The following AFAP1 variants were observed in gnomAD, a reference collection of about 807,000 sequenced individuals.
The protein encoded by AFAP1 is actin filament associated protein 1.
AFAP1 carries 75 observed loss-of-function variants against 93.9 expected under a neutral mutation model. The observed-to-expected ratio is 0.80, with a 90% confidence interval of 0.66 to 0.97. The LOEUF (loss-of-function observed/expected upper bound fraction) is 0.97. AFAP1 is among the 50% of genes least tolerant of loss of function. The pLI, the probability that AFAP1 is intolerant of heterozygous loss-of-function variation, is 0.00. For synonymous variants in AFAP1, 517 were observed against 430.7 expected (o/e 1.20, Z -2.48); for missense variants, 1,201 against 1,050.8 (o/e 1.14, Z -1.98).
intron 1 of AFAP1, among the ~76,000 whole-genome samples, chr4:7,928,149 C>G (rs139136666): frequency 6.6e-6 from 1 of 152,270 alleles, no homozygotes; most frequent in South Asian, 2.1e-4. Context: ...ATTCTTCAAC[C>G]GGTGCCTTTG....
chr4:7,887,660 C>A (rs1204780582), intron 1 of AFAP1, among the ~76,000 whole-genome samples: 3 of 152,178 alleles, frequency 2.0e-5, no homozygotes, highest in Non-Finnish European at 2.9e-5. Flanking sequence ...GCCAGCACTG[C>A]AAACTTAAAC....
Position 7,899,532 on chromosome 4 carries a change from A to C in AFAP1, c.-2-27452T>G, listed in dbSNP as rs146764464. Among the ~76,000 whole-genome samples the C allele has an allele frequency of 2.8e-3, 422 of 152,360 alleles. 1 individual carries two copies. The highest frequency in any genetic ancestry group is 9.5e-3 in the African/African-American group (394 of 41,588). ...AAACTTCTTTACCCTACTAAAGCAC[A>C]TTATAAGAAGCTCCGCTTATATAAA... On this transcript the variant is annotated intron_variant, in intron 1 of 17. Coordinates refer to ENST00000420658, the MANE Select transcript of AFAP1 (RefSeq NM_001134647.2).
chr4:7,879,466 A>G (rs940076273), intron 1 of AFAP1, among the ~76,000 whole-genome samples: 2 of 152,072 alleles, frequency 1.3e-5, no homozygotes, highest in African/African-American at 4.8e-5. Flanking sequence ...CGAGGTCACC[A>G]AACACAGACT....
intron 14 of AFAP1, chr4:7,775,514 T>A (rs991028750): frequency 6.6e-6 from 1 of 152,478 alleles, no homozygotes; most frequent in African/African-American, 2.4e-5. Context: ...CACCGCAGTA[T>A]CTGTTCCTTA....
At chr4:7,806,040 A>C (rs1719483135) in intron 9 of AFAP1, among the ~76,000 whole-genome samples, 1 of 152,182 alleles carries the variant, frequency 6.6e-6, no homozygotes, top group African/African-American at 2.4e-5. Flanking sequence ...CCTGGTAACA[A>C]CGGCTTAATT....
chr4:7,889,596 T>C (rs1288973555), intron 1 of AFAP1, among the ~76,000 whole-genome samples: 20 of 150,032 alleles, frequency 1.3e-4, no homozygotes, highest in African/African-American at 4.9e-4. Flanking sequence ...ACTAAAGTTT[T>C]TCATATTCTT....
chr4:7,852,827 C>T (rs1282457772), intron 4 of AFAP1, among the ~76,000 whole-genome samples: 1 of 152,078 alleles, frequency 6.6e-6, no homozygotes, highest in African/African-American at 2.4e-5. Flanking sequence ...TCTCCCAGGC[C>T]CCCACCATCT....
chr4:7,847,814 T>C (rs1192369211), intron 4 of AFAP1, among the ~76,000 whole-genome samples: 1 of 148,094 alleles, frequency 6.8e-6, no homozygotes, highest in African/African-American at 2.6e-5. Flanking sequence ...ATTGATTAGA[T>C]ACCATCAGGC....
intron 1 of AFAP1, among the ~76,000 whole-genome samples, chr4:7,874,356 CTTTTT>C (rs869214535): frequency 3.2e-4 from 30 of 92,418 alleles, no homozygotes; most frequent in Middle Eastern, 6.4e-3. Flanking sequence ...TTGCCTTTTT[CTTTTT>C]TTTTTTTTTT....
At chr4:7,870,334 C>T (rs1401162073) in intron 2 of AFAP1, among the ~76,000 whole-genome samples, 1 of 152,188 alleles carries the variant, frequency 6.6e-6, no homozygotes, top group African/African-American at 2.4e-5. Flanking sequence ...ATCCAAGAGT[C>T]TGAGCAGGGA....
rs1577354062 is a variant in AFAP1, at chr4:7,912,450, C to A, written c.-3+27206G>T. Among the ~76,000 whole-genome samples the A allele has an allele frequency of 2.6e-5, 4 of 152,328 alleles. No individual in the cohort carries two copies. The East Asian group carries it at 5.8e-4, about 22-fold the overall frequency. On this transcript the variant is annotated intron_variant, in intron 1 of 17. Transcript: ENST00000420658. ...TGTGAGTGATTCCGTTTCCCTGCAT[C>A]CTCACCAGCATTTGGTTTTGTTATT...
At chr4:7,779,471 C>G (rs1465668108) in intron 13 of AFAP1, among the ~76,000 whole-genome samples, 1 of 152,212 alleles carries the variant, frequency 6.6e-6, no homozygotes, top group Non-Finnish European at 1.5e-5. Flanking sequence ...TAGTACTCTA[C>G]TCCTGAGACT....
intron 1 of AFAP1, among the ~76,000 whole-genome samples, chr4:7,912,422 A>T (rs1719788006): frequency 6.6e-6 from 1 of 152,210 alleles, no homozygotes; most frequent in Admixed American, 6.5e-5. Context: ...CCTGCCAGCC[A>T]AGTGTGAGTG....
At chr4:7,917,135 G>A (rs1319029738) in intron 1 of AFAP1, among the ~76,000 whole-genome samples, 2 of 152,120 alleles carry the variant, frequency 1.3e-5, no homozygotes, top group African/African-American at 4.8e-5. Context: ...AAAGCCTTAA[G>A]ACTCATTTCA....
intron 17 of AFAP1, among the ~76,000 whole-genome samples, chr4:7,768,375 C>T (rs1188799613): frequency 6.6e-6 from 1 of 152,232 alleles, no homozygotes; most frequent in Non-Finnish European, 1.5e-5. Context: ...AAACAGGTTC[C>T]TCCGAGGCCC....
At chr4:7,901,074 A>G (rs1225452190) in intron 1 of AFAP1, among the ~76,000 whole-genome samples, 1 of 152,242 alleles carries the variant, frequency 6.6e-6, no homozygotes, top group Non-Finnish European at 1.5e-5. Context: ...CTTTCTATGT[A>G]TAACAGCAAG....
chr4:7,830,640 A>C (rs943203884), intron 6 of AFAP1, among the ~76,000 whole-genome samples: 8 of 152,152 alleles, frequency 5.3e-5, no homozygotes, highest in Non-Finnish European at 8.8e-5. Flanking sequence ...ACAAGGTCTC[A>C]TTCTGTCACC....
At chr4:7,814,494 C>G (rs189515214) in intron 8 of AFAP1, among the ~76,000 whole-genome samples, 20 of 152,186 alleles carry the variant, frequency 1.3e-4, no homozygotes, top group African/African-American at 4.8e-4. Context: ...ATTTTTCAAC[C>G]GTCGCTCCAA....
intron 3 of AFAP1, among the ~76,000 whole-genome samples, chr4:7,863,635 C>A (rs1716008763): frequency 6.6e-6 from 1 of 152,130 alleles, no homozygotes; most frequent in South Asian, 2.1e-4. Flanking sequence ...TACTCTCCTG[C>A]AAGCACTTCC....
Sources: allele counts gnomAD v4.1 joint callset (sites outside exome capture counted in the v4.1 genomes callset), GRCh38; gene constraint gnomAD v4.1.1; transcripts MANE v1.5; gene names NCBI Gene and HGNC (gene_info 2026-07-23, HGNC 2026-07-21).